Variants in SLC25A21 observed in about 807,000 individuals in gnomAD.
SLC25A21 encodes solute carrier family 25 member 21.
A neutral mutation model predicts 43.8 loss-of-function variants in SLC25A21; 47 were observed. That is an observed-to-expected ratio of 1.07 (90% CI 0.85 to 1.37). The LOEUF (loss-of-function observed/expected upper bound fraction) is 1.37. SLC25A21 is among the 40% of genes most tolerant of loss of function. SLC25A21 has a pLI of 0.00. For synonymous variants in SLC25A21, 131 were observed against 121.3 expected (o/e 1.08, Z -0.52); for missense variants, 352 against 350.2 (o/e 1.00, Z -0.04).
At chr14:36,970,653 G>A (rs1959729444) in intron 1 of SLC25A21, among the ~76,000 whole-genome samples, 1 of 152,168 alleles carries the variant, frequency 6.6e-6, no homozygotes, top group Non-Finnish European at 1.5e-5. Flanking sequence ...AAATCCAGCT[G>A]CACACCGATC....
chr14:36,866,392 A>G (rs1890214568), intron 2 of SLC25A21, among the ~76,000 whole-genome samples: 1 of 152,206 alleles, frequency 6.6e-6, no homozygotes, highest in Non-Finnish European at 1.5e-5. Flanking sequence ...GCGAAACAGA[A>G]CAAACACCTC....
chr14:36,906,213 C>T (rs1326553947), intron 1 of SLC25A21, among the ~76,000 whole-genome samples: 9 of 152,010 alleles, frequency 5.9e-5, no homozygotes, highest in African/African-American at 2.2e-4. Context: ...AAAAGTGATT[C>T]AAATCTAAAG....
intron 3 of SLC25A21, among the ~76,000 whole-genome samples, chr14:36,806,336 C>A (rs1360903473): frequency 6.6e-6 from 1 of 151,890 alleles, no homozygotes; most frequent in Non-Finnish European, 1.5e-5. Context: ...CTATAGCTAA[C>A]AATAATATAT....
intron 1 of SLC25A21, among the ~76,000 whole-genome samples, chr14:37,137,198 C>T (rs797003987): frequency 2.2e-4 from 34 of 152,054 alleles, no homozygotes; most frequent in African/African-American, 8.0e-4. Flanking sequence ...GGGGTTTCAC[C>T]GCATTAGCCA....
intron 1 of SLC25A21, among the ~76,000 whole-genome samples, chr14:36,900,112 T>A (rs1276736354): frequency 6.6e-6 from 1 of 152,028 alleles, no homozygotes; most frequent in African/African-American, 2.4e-5. Context: ...TGCCCTCATC[T>A]GTTTGTCCCT....
intron 7 of SLC25A21, among the ~76,000 whole-genome samples, chr14:36,691,159 C>T (rs751792006): frequency 6.6e-6 from 1 of 152,168 alleles, no homozygotes; most frequent in Non-Finnish European, 1.5e-5. Flanking sequence ...GCCAAAGTAT[C>T]GGTGACTCTG....
At chr14:36,770,754 C>T (rs1488908245) in intron 3 of SLC25A21, among the ~76,000 whole-genome samples, 1 of 152,118 alleles carries the variant, frequency 6.6e-6, no homozygotes, top group African/African-American at 2.4e-5. Context: ...GTTACCTTTA[C>T]TGGGAGTGTA....
chr14:37,058,908 G>A (rs1961886916), intron 1 of SLC25A21, among the ~76,000 whole-genome samples: 1 of 152,112 alleles, frequency 6.6e-6, no homozygotes, highest in East Asian at 1.9e-4. Flanking sequence ...CTGAACTGAT[G>A]GTCACCCCTT....
chr14:37,161,757 A>G (rs10146508), intron 1 of SLC25A21, among the ~76,000 whole-genome samples: 145,149 of 151,540 alleles, frequency 0.96, 69,847 homozygotes, highest in East Asian at 1. Flanking sequence ...TCAGGAGACC[A>G]AGACCATGCT....
chr14:37,150,155 T>C (rs1387529618), intron 1 of SLC25A21, among the ~76,000 whole-genome samples: 2 of 152,136 alleles, frequency 1.3e-5, no homozygotes, highest in African/African-American at 4.8e-5. Context: ...AAAACCTACG[T>C]GTTTGGCACT....
chr14:37,042,117 A>C (rs1355255354), intron 1 of SLC25A21, among the ~76,000 whole-genome samples: 1 of 152,286 alleles, frequency 6.6e-6, no homozygotes, highest in Non-Finnish European at 1.5e-5. Flanking sequence ...GCCATAGAAA[A>C]ACAGACATGT....
intron 1 of SLC25A21, among the ~76,000 whole-genome samples, chr14:37,119,741 C>T (rs144530603): frequency 5.9e-5 from 9 of 152,160 alleles, no homozygotes; most frequent in Admixed American, 1.3e-4. Flanking sequence ...GTCCAAGAAC[C>T]GTCTCTTGGG....
chr14:36,704,579 C>T (rs1490837425), intron 7 of SLC25A21, among the ~76,000 whole-genome samples: 2 of 151,618 alleles, frequency 1.3e-5, no homozygotes, highest in African/African-American at 4.9e-5. Flanking sequence ...ATCGCTTGAA[C>T]CCGGGAGGCG....
At chr14:36,925,885 A>G (rs1892118608) in intron 1 of SLC25A21, among the ~76,000 whole-genome samples, 1 of 152,086 alleles carries the variant, frequency 6.6e-6, no homozygotes, top group Admixed American at 6.6e-5. Context: ...TTCAAAATAC[A>G]TGAAGCAATA....
intron 2 of SLC25A21, among the ~76,000 whole-genome samples, chr14:36,865,449 T>A (rs1347139086): frequency 6.6e-6 from 1 of 152,126 alleles, no homozygotes; most frequent in Non-Finnish European, 1.5e-5. Flanking sequence ...CTGTGGATAA[T>A]ATATTTCCAT....
At chr14:36,990,141 G>A (rs1594740852) in intron 1 of SLC25A21, among the ~76,000 whole-genome samples, 1 of 152,126 alleles carries the variant, frequency 6.6e-6, no homozygotes, top group African/African-American at 2.4e-5. Context: ...CCTAAGTCTT[G>A]CCACAAAAGT....
At chr14:36,927,034 G>T (rs1892151174) in intron 1 of SLC25A21, among the ~76,000 whole-genome samples, 1 of 152,100 alleles carries the variant, frequency 6.6e-6, no homozygotes, top group Admixed American at 6.5e-5. Flanking sequence ...GCCAGGCGTG[G>T]TCGTGTGTGC....
chr14:37,039,079 T>C (rs1778403563), intron 1 of SLC25A21, among the ~76,000 whole-genome samples: 1 of 152,130 alleles, frequency 6.6e-6, no homozygotes, highest in Admixed American at 6.5e-5. Flanking sequence ...AGAGAACAGT[T>C]GCTAAGCAGC....
At chr14:37,133,665 T>C (rs1278176512) in intron 1 of SLC25A21, among the ~76,000 whole-genome samples, 1 of 151,376 alleles carries the variant, frequency 6.6e-6, no homozygotes, top group African/African-American at 2.4e-5. Context: ...CTAACCCACC[T>C]CTATAACTCC....
Sources: allele counts gnomAD v4.1 joint callset (sites outside exome capture counted in the v4.1 genomes callset), GRCh38; gene constraint gnomAD v4.1.1; transcripts MANE v1.5; gene names NCBI Gene and HGNC (gene_info 2026-07-23, HGNC 2026-07-21).